The following PPIG variants were observed in gnomAD, a reference collection of about 807,000 sequenced individuals.
PPIG encodes the protein peptidylprolyl isomerase G.
Under a neutral mutation model 87.9 loss-of-function variants are expected in PPIG, and 26 were observed. That is an observed-to-expected ratio of 0.30 (90% CI 0.22 to 0.41). The LOEUF (loss-of-function observed/expected upper bound fraction) is 0.41, where lower values mean the gene tolerates loss of function less well. Among genes scored for constraint, PPIG ranks in the 10% least tolerant of loss-of-function variants. The pLI is 1.00. For missense variants in PPIG, 722 were observed against 879.4 expected (o/e 0.82, Z 2.26); for synonymous variants, 308 against 276.5 (o/e 1.11, Z -1.13).
At chr2:169,615,036 G>GTT (rs376354668) in intron 9 of PPIG, among the ~76,000 whole-genome samples, 3 of 147,216 alleles carry the variant, frequency 2.0e-5, no homozygotes, top group African/African-American at 7.5e-5. Context: ...GTGGTTTTGG[G>GTT]TTTTTTTTTT....
At chr2:169,615,170 T>G (rs1685580449) in intron 9 of PPIG, among the ~76,000 whole-genome samples, 1 of 152,100 alleles carries the variant, frequency 6.6e-6, no homozygotes, top group Non-Finnish European at 1.5e-5. Flanking sequence ...TGCCTTAGCC[T>G]CCCAAGTAGC....
intron 4 of PPIG, among the ~76,000 whole-genome samples, chr2:169,605,012 A>T (rs1040677335): frequency 6.6e-6 from 1 of 152,086 alleles, no homozygotes; most frequent in Non-Finnish European, 1.5e-5. Flanking sequence ...ATCCTGTCCA[A>T]CATGGTGAAA....
At position 169,622,264 on chromosome 2, in the gene PPIG, T is replaced by TA. The variant is rs1053139608; in HGVS notation, c.547+7549dup. On this transcript the variant is annotated intron_variant, in intron 9 of 13. Coordinates refer to ENST00000260970, the MANE Select transcript of PPIG (RefSeq NM_004792.3). ...GGTGAAACCCTGTCTCTACTAAAAA[T>TA]AAAAAAAAAGAAGTTTGCATTTTAA... Among the ~76,000 whole-genome samples the TA allele has an allele frequency of 2.0e-3, 308 of 151,052 alleles. 4 individuals are homozygous for TA. The highest frequency in any genetic ancestry group is 2.5e-4 in the Non-Finnish European group (17 of 67,626).
chr2:169,601,987 A>G (rs1279973720), intron 1 of PPIG, among the ~76,000 whole-genome samples: 1 of 152,182 alleles, frequency 6.6e-6, no homozygotes, highest in Admixed American at 6.5e-5. Context: ...GAACATCACT[A>G]ATCTGAAAAT....
At chr2:169,585,157 T>C (rs1684662598) in intron 1 of PPIG, among the ~76,000 whole-genome samples, 1 of 152,140 alleles carries the variant, frequency 6.6e-6, no homozygotes, top group African/African-American at 2.4e-5. Context: ...TCGGAGGAGC[T>C]GTGAGCTGCG....
intron 1 of PPIG, among the ~76,000 whole-genome samples, chr2:169,590,850 T>A (rs541616230): frequency 6.7e-6 from 1 of 150,228 alleles, no homozygotes; most frequent in Non-Finnish European, 1.5e-5. Context: ...CAAAAAAATT[T>A]TTAAAAATTA....
At chr2:169,588,058 G>A (rs1684755173) in intron 1 of PPIG, among the ~76,000 whole-genome samples, 1 of 151,976 alleles carries the variant, frequency 6.6e-6, no homozygotes, top group African/African-American at 2.4e-5. Flanking sequence ...CCAACTACTC[G>A]GGAGGCTGAG....
chr2:169,589,985 A>G (rs1175183251), intron 1 of PPIG, among the ~76,000 whole-genome samples: 1 of 151,878 alleles, frequency 6.6e-6, no homozygotes, highest in East Asian at 1.9e-4. Flanking sequence ...GGCGCATTCC[A>G]GTAATCCCAG....
At chr2:169,602,483 T>C (rs951639334) in intron 1 of PPIG, among the ~76,000 whole-genome samples, 26 of 152,056 alleles carry the variant, frequency 1.7e-4, no homozygotes, top group African/African-American at 5.3e-4. Flanking sequence ...AGCCGGCTAA[T>C]TTTTGCATTT....
At chr2:169,596,474 G>A (rs751177436) in intron 1 of PPIG, among the ~76,000 whole-genome samples, 10 of 152,176 alleles carry the variant, frequency 6.6e-5, no homozygotes, top group Non-Finnish European at 1.5e-4. Context: ...AAAAGCAGAT[G>A]GTGCCAGAAG....
chr2:169,605,213 A>G (rs188814536), intron 4 of PPIG, among the ~76,000 whole-genome samples: 122 of 152,302 alleles, frequency 8.0e-4, no homozygotes, highest in African/African-American at 2.8e-3. Flanking sequence ...GGGTGCCTGT[A>G]ATCCCAGCTA....
At chr2:169,632,705 A>G (rs1165215956) in intron 11 of PPIG, among the ~76,000 whole-genome samples, 1 of 152,016 alleles carries the variant, frequency 6.6e-6, no homozygotes, top group Non-Finnish European at 1.5e-5. Flanking sequence ...AGATCACGGC[A>G]CTGCACTCCA....
In PPIG at chr2:169,631,105, C is replaced by T. The variant is rs572279668; in HGVS notation, c.761+118C>T. On this transcript the variant is annotated intron_variant, in intron 10 of 13. Transcript: ENST00000260970. ...AAATAGTGAGAAATATAGCATGGAGCGTAGGACTTTTGATATTCCACAGTC... is the reference window on the plus strand; with the variant it reads ...AAATAGTGAGAAATATAGCATGGAGTGTAGGACTTTTGATATTCCACAGTC... 2.2e-4 allele frequency: 210 copies of T among 956,408 alleles called. 3 individuals are homozygous for T. The South Asian group carries it at 3.3e-3, about 15-fold the overall frequency. 59.2% of individuals were successfully genotyped at this position (956,408 alleles called of 1,614,324 possible). A position where few individuals can be genotyped will look rare whatever the true frequency, so the allele number is the denominator to read the frequency against.
intron 9 of PPIG, among the ~76,000 whole-genome samples, chr2:169,617,481 C>A (rs1038744697): frequency 2.6e-5 from 4 of 152,042 alleles, no homozygotes; most frequent in Admixed American, 6.6e-5. Flanking sequence ...TATTGATTCT[C>A]CCTATCCATG....
chr2:169,614,116 A>G (rs549887179), intron 7 of PPIG, among the ~76,000 whole-genome samples: 39 of 152,372 alleles, frequency 2.6e-4, no homozygotes, highest in East Asian at 5.8e-4. Flanking sequence ...TGATATGTCT[A>G]CATGTAGAAC....
chr2:169,628,967 A>T (rs1403249066), intron 9 of PPIG, among the ~76,000 whole-genome samples: 1 of 146,088 alleles, frequency 6.8e-6, no homozygotes, highest in Non-Finnish European at 1.5e-5. Flanking sequence ...AAAAAAAAAA[A>T]AGGCAAGGAT....
At chr2:169,627,340 A>G (rs539845422) in intron 9 of PPIG, among the ~76,000 whole-genome samples, 2 of 152,294 alleles carry the variant, frequency 1.3e-5, no homozygotes, top group African/African-American at 4.8e-5. Context: ...CAACCGATCC[A>G]CTAGCCTTGG....
Position 169,640,844 on chromosome 2 carries a change from T to C in PPIG, c.*3321T>C, listed in dbSNP as rs1558906242. On this transcript the variant is annotated 3_prime_UTR_variant, in exon 14 of 14. Transcript: ENST00000260970. ...TGGATTCGGGCAAGTGCAAAGTCTT[T>C]GGCCTATTGTGTGACAAAGAGGTAT... is the stretch of plus-strand genomic sequence containing the variant. 1 of 152,160 alleles carries C rather than the reference T, an allele frequency of 6.6e-6. No individual in the cohort carries two copies. The highest frequency in any genetic ancestry group is 2.4e-5 in the African/African-American group (1 of 41,442). 9.4% of individuals were successfully genotyped at this position (152,160 alleles called of 1,614,324 possible).
At chr2:169,628,241 C>T (rs1206653425) in intron 9 of PPIG, among the ~76,000 whole-genome samples, 6 of 152,258 alleles carry the variant, frequency 3.9e-5, no homozygotes, top group Non-Finnish European at 5.9e-5. Flanking sequence ...GCACAGCTTG[C>T]GTATATCCCA....
Sources: allele counts gnomAD v4.1 joint callset (sites outside exome capture counted in the v4.1 genomes callset), GRCh38; gene constraint gnomAD v4.1.1; transcripts MANE v1.5; gene names NCBI Gene and HGNC (gene_info 2026-07-23, HGNC 2026-07-21).